The following UNC5D variants were observed in gnomAD, a reference collection of about 807,000 sequenced individuals.
UNC5D encodes netrin receptor UNC5D.
UNC5D carries 39 observed loss-of-function variants against 105.4 expected under a neutral mutation model. That is an observed-to-expected ratio of 0.37 (90% CI 0.29 to 0.48). The LOEUF is 0.48. Among genes scored for constraint, UNC5D ranks in the 20% least tolerant of loss-of-function variants. The pLI, the probability that UNC5D is intolerant of heterozygous loss-of-function variation, is 0.98. For synonymous variants in UNC5D, 452 were observed against 450.4 expected, an observed-to-expected ratio of 1.00 and a Z score of -0.04; for missense variants, 991 against 1,202.4, an observed-to-expected ratio of 0.82 and a Z score of 2.60.
intron 4 of UNC5D, among the ~76,000 whole-genome samples, chr8:35,626,554 G>A (rs1480231313): frequency 1.3e-5 from 2 of 152,136 alleles, no homozygotes; most frequent in Non-Finnish European, 2.9e-5. Flanking sequence ...CAGGGCACAC[G>A]TAGCCTTCAG....
At chr8:35,688,964 G>A (rs1421682054) in intron 7 of UNC5D, among the ~76,000 whole-genome samples, 3 of 152,210 alleles carry the variant, frequency 2.0e-5, no homozygotes, top group Admixed American at 2.0e-4. Context: ...TCAATTTTAT[G>A]TGTCAACCTG....
intron 4 of UNC5D, among the ~76,000 whole-genome samples, chr8:35,661,923 A>T (rs1824128615): frequency 6.6e-6 from 1 of 152,162 alleles, no homozygotes; most frequent in African/African-American, 2.4e-5. Context: ...AAGAGGGTAC[A>T]TTCCACTTAT....
intron 1 of UNC5D, among the ~76,000 whole-genome samples, chr8:35,325,168 A>G (rs1230619557): frequency 6.6e-6 from 1 of 152,200 alleles, no homozygotes; most frequent in Non-Finnish European, 1.5e-5. Context: ...AGCATTCTAT[A>G]TCTATCAATA....
intron 4 of UNC5D, among the ~76,000 whole-genome samples, chr8:35,617,772 C>G (rs1031337935): frequency 6.6e-6 from 1 of 152,208 alleles, no homozygotes; most frequent in Non-Finnish European, 1.5e-5. Context: ...ATCCAACATT[C>G]AGAACTGAAC....
intron 4 of UNC5D, among the ~76,000 whole-genome samples, chr8:35,653,795 A>G (rs191353100): frequency 2.6e-5 from 4 of 152,322 alleles, no homozygotes; most frequent in Non-Finnish European, 5.9e-5. Context: ...GATGAATTTT[A>G]ATGTGTTATA....
At chr8:35,411,865 T>A (rs1047974109) in intron 1 of UNC5D, among the ~76,000 whole-genome samples, 5 of 152,076 alleles carry the variant, frequency 3.3e-5, no homozygotes, top group African/African-American at 4.8e-5. Flanking sequence ...GTGTTCAATA[T>A]GTGTTCCTTG....
intron 1 of UNC5D, among the ~76,000 whole-genome samples, chr8:35,477,982 G>A (rs1810234260): frequency 6.6e-6 from 1 of 152,058 alleles, no homozygotes; most frequent in Non-Finnish European, 1.5e-5. Flanking sequence ...CTAGGGAGCT[G>A]ATATCACTAA....
chr8:35,352,262 A>C (rs917917117), intron 1 of UNC5D, among the ~76,000 whole-genome samples: 1 of 152,084 alleles, frequency 6.6e-6, no homozygotes, highest in African/African-American at 2.4e-5. Context: ...AAAGTTACAT[A>C]TACATGTTCA....
In UNC5D at chr8:35,243,757, C is replaced by T. The variant is rs16883698; in HGVS notation, c.103+7870C>T. ...ACATGGTGTGGAGGTTGTGTCAGGC[C>T]CCTCTGCCTTTGATGCAAGTTCCAT... On this transcript the variant is annotated intron_variant, in intron 1 of 16. Coordinates refer to ENST00000404895, the MANE Select transcript of UNC5D (RefSeq NM_080872.4). 1.9e-3 allele frequency among the ~76,000 whole-genome samples: 291 copies of T among 152,248 alleles called. 3 individuals carry two copies. Among genetic ancestry groups the T allele is most frequent in the African/African-American group, 6.7e-3 (279 of 41,550 alleles).
In UNC5D at chr8:35,759,385, C is replaced by A; in HGVS notation, c.2229C>A (p.Phe743Leu). 6.2e-7 allele frequency: 1 copy of A among 1,614,136 alleles called. No homozygotes were observed. The highest frequency in any genetic ancestry group is 8.5e-7 in the Non-Finnish European group (1 of 1,179,988). ...QLLEEPKLLH[F>L]KGNTFSLQIS... ...TGGAAGAACCAAAATTGCTGCATTT[C>A]AAAGGGAATACCTTTAGTCTTCAGA... Residue 743 changes from phenylalanine (F) to leucine (L), a missense_variant, in exon 14 of 17, where the codon TTC (phenylalanine) becomes TTA (leucine). Transcript: ENST00000404895.
chr8:35,438,192 C>T (rs545279638), intron 1 of UNC5D, among the ~76,000 whole-genome samples: 6 of 152,138 alleles, frequency 3.9e-5, no homozygotes, highest in South Asian at 4.1e-4. Context: ...AGGAGACCGA[C>T]TCCAGACAGA....
intron 16 of UNC5D, among the ~76,000 whole-genome samples, chr8:35,774,926 CAAA>C (rs548702956): frequency 1.0e-4 from 12 of 120,268 alleles, no homozygotes; most frequent in East Asian, 2.4e-4. Context: ...GACCCTCCTC[CAAA>C]AAAAAAAAAA....
chr8:35,544,633 C>G (rs1815517974), intron 1 of UNC5D: 1 of 1,343,578 alleles, frequency 7.4e-7, no homozygotes, highest in African/African-American at 1.7e-5. Flanking sequence ...GACAGAGTCT[C>G]AGTCTTTCAC....
intron 1 of UNC5D, among the ~76,000 whole-genome samples, chr8:35,422,028 T>G (rs1178740531): frequency 3.9e-5 from 6 of 152,206 alleles, no homozygotes; most frequent in African/African-American, 1.4e-4. Flanking sequence ...ATTGTTACAT[T>G]TTGGCTTTTT....
At chr8:35,526,261 G>C (rs1259794674) in intron 1 of UNC5D, among the ~76,000 whole-genome samples, 1 of 152,152 alleles carries the variant, frequency 6.6e-6, no homozygotes, top group African/African-American at 2.4e-5. Context: ...CATTTATCTT[G>C]AAGGCTTGCA....
intron 2 of UNC5D, among the ~76,000 whole-genome samples, chr8:35,557,068 T>A (rs1816604537): frequency 6.6e-6 from 1 of 152,252 alleles, no homozygotes; most frequent in Non-Finnish European, 1.5e-5. Flanking sequence ...CATGACCATG[T>A]TGCCCACCAT....
intron 1 of UNC5D, among the ~76,000 whole-genome samples, chr8:35,357,434 C>T (rs1281513855): frequency 6.6e-6 from 1 of 152,160 alleles, no homozygotes; most frequent in Admixed American, 6.5e-5. Context: ...CAACACTTTT[C>T]ACTTTGCTTT....
chr8:35,514,065 A>G (rs1472780131), intron 1 of UNC5D, among the ~76,000 whole-genome samples: 2 of 152,222 alleles, frequency 1.3e-5, no homozygotes, highest in African/African-American at 4.8e-5. Flanking sequence ...CCAAGTGAAG[A>G]AAAAGATTTA....
At chr8:35,702,969 GC>G (rs1242245921) in intron 7 of UNC5D, among the ~76,000 whole-genome samples, 2 of 152,104 alleles carry the variant, frequency 1.3e-5, no homozygotes, top group Non-Finnish European at 2.9e-5. Flanking sequence ...TTGCTGGTCT[GC>G]ACATTTACAG....
Sources: gnomAD v4.1 joint callset for allele counts (sites outside exome capture counted in the v4.1 genomes callset) on GRCh38, gnomAD v4.1.1 for gene constraint, MANE v1.5 for transcripts, NCBI Gene and HGNC (gene_info 2026-07-23, HGNC 2026-07-21) for gene names.